The following AOPEP variants were observed in gnomAD, a reference collection of about 807,000 sequenced individuals.
The protein encoded by AOPEP is aminopeptidase O (putative).
AOPEP carries 77 observed loss-of-function variants against 98.1 expected under a neutral mutation model. The ratio of observed to expected loss-of-function variants is 0.78; its 90% CI spans 0.65 to 0.95. The LOEUF is 0.95. Among genes scored for constraint, AOPEP ranks in the 40% least tolerant of loss-of-function variants. The probability of loss-of-function intolerance (pLI) is 0.00; values close to 1 mark genes in which losing one functional copy is unlikely to be tolerated. For missense variants in AOPEP, 1,024 were observed against 1,024.7 expected (o/e 1.00, Z 0.01); for synonymous variants, 346 against 365.3 (o/e 0.95, Z 0.60).
chr9:94,921,519 A>G (rs2053619409), intron 5 of AOPEP, among the ~76,000 whole-genome samples: 1 of 152,268 alleles, frequency 6.6e-6, no homozygotes, highest in African/African-American at 2.4e-5. Context: ...TCTACTTAAC[A>G]TGAGACGTTC....
intron 5 of AOPEP, among the ~76,000 whole-genome samples, chr9:94,834,050 T>C (rs2041245676): frequency 6.6e-6 from 1 of 152,184 alleles, no homozygotes. Flanking sequence ...GAGATCTGAT[T>C]ACCAGCTTAC....
intron 4 of AOPEP, among the ~76,000 whole-genome samples, chr9:94,793,409 G>A (rs1407026228): frequency 6.6e-6 from 1 of 151,876 alleles, no homozygotes; most frequent in Non-Finnish European, 1.5e-5. Flanking sequence ...GCTGGGCGTG[G>A]TGGCTCAGGC....
At chr9:95,037,243 G>T (rs2064911385) in intron 13 of AOPEP, among the ~76,000 whole-genome samples, 1 of 151,948 alleles carries the variant, frequency 6.6e-6, no homozygotes, top group African/African-American at 2.4e-5. Context: ...TTTAAAGGGG[G>T]GTGGTTTTCC....
chr9:95,050,303 C>A (rs143607809), intron 13 of AOPEP, among the ~76,000 whole-genome samples: 1 of 152,194 alleles, frequency 6.6e-6, no homozygotes, highest in African/African-American at 2.4e-5. Context: ...CCCTTGTTCT[C>A]CTGAAATTAA....
intron 13 of AOPEP, among the ~76,000 whole-genome samples, chr9:95,059,866 C>G (rs2067171984): frequency 6.6e-6 from 1 of 152,190 alleles, no homozygotes; most frequent in Non-Finnish European, 1.5e-5. Flanking sequence ...CAAATTGATT[C>G]TTCCTCCAGT....
chr9:94,903,940 TG>T (rs1364758428), intron 5 of AOPEP, among the ~76,000 whole-genome samples: 1 of 146,534 alleles, frequency 6.8e-6, no homozygotes, highest in Admixed American at 6.8e-5. Flanking sequence ...AAAGTTACAG[TG>T]AGCTATGATT....
intron 13 of AOPEP, among the ~76,000 whole-genome samples, chr9:95,013,472 A>G (rs1384074042): frequency 6.7e-5 from 10 of 149,670 alleles, no homozygotes; most frequent in Non-Finnish European, 1.0e-4. Context: ...TATTTTCAAT[A>G]TAATCTCCTC....
chr9:94,821,182 G>A (rs1588392567), intron 5 of AOPEP, among the ~76,000 whole-genome samples: 1 of 152,112 alleles, frequency 6.6e-6, no homozygotes, highest in African/African-American at 2.4e-5. Flanking sequence ...GGGCTTTTGG[G>A]TTTATTTATT....
chr9:94,731,470 C>T (rs1830522923), intron 1 of AOPEP, among the ~76,000 whole-genome samples: 1 of 152,186 alleles, frequency 6.6e-6, no homozygotes, highest in African/African-American at 2.4e-5. Flanking sequence ...CCGTGATCCG[C>T]CTGCCTCAGC....
At chr9:94,775,091 T>C (rs900792956) in intron 3 of AOPEP, among the ~76,000 whole-genome samples, 2 of 152,168 alleles carry the variant, frequency 1.3e-5, no homozygotes, top group African/African-American at 4.8e-5. Context: ...TTTTGGTATA[T>C]CTTTTAATTT....
At chr9:94,869,699 C>A (rs76543608) in intron 5 of AOPEP, among the ~76,000 whole-genome samples, 2,281 of 152,302 alleles carry the variant, frequency 0.015, 53 homozygotes, top group African/African-American at 0.052. Flanking sequence ...CCAGATACGG[C>A]TCGTGTTACC....
At chr9:95,087,569 TC>T (rs2070798076), downstream of AOPEP, among the ~76,000 whole-genome samples, 2 of 151,496 alleles carry the variant, frequency 1.3e-5, no homozygotes, top group Non-Finnish European at 1.5e-5. Flanking sequence ...CTCACTAGTT[TC>T]TTTGTTGTTT....
chr9:95,082,913 C>T, intron 16 of AOPEP, 194 bp downstream of exon 16: 1 of 588,620 alleles, frequency 1.7e-6, no homozygotes, highest in Non-Finnish European at 2.9e-6. Context: ...CCCTGGAGCA[C>T]CTTGCCTGGC....
At chr9:94,822,206 C>A (rs1355794885) in intron 5 of AOPEP, among the ~76,000 whole-genome samples, 1 of 152,170 alleles carries the variant, frequency 6.6e-6, no homozygotes, top group Non-Finnish European at 1.5e-5. Context: ...ACACTCTAGC[C>A]CCTTTGCAGG....
At chr9:94,769,420 GA>G (rs1160003718) in intron 2 of AOPEP, among the ~76,000 whole-genome samples, 6 of 152,166 alleles carry the variant, frequency 3.9e-5, no homozygotes, top group Non-Finnish European at 8.8e-5. Context: ...CTGATGAAGA[GA>G]AAAAGGCCAA....
At chr9:94,929,154 G>C (rs2054867693) in intron 7 of AOPEP, among the ~76,000 whole-genome samples, 1 of 152,126 alleles carries the variant, frequency 6.6e-6, no homozygotes, top group African/African-American at 2.4e-5. Context: ...CTAGGCTCCG[G>C]GAGCACTGTG....
intron 5 of AOPEP, among the ~76,000 whole-genome samples, chr9:94,847,978 C>T (rs2043060774): frequency 6.6e-6 from 1 of 152,150 alleles, no homozygotes; most frequent in South Asian, 2.1e-4. Flanking sequence ...GGACATATCA[C>T]TTAGGCTTTA....
chr9:94,881,700 C>A lies in AOPEP; in HGVS notation c.1365-42286C>A, dbSNP rs569539987. Among the ~76,000 whole-genome samples, 8 of 152,252 alleles carry A rather than the reference C, an allele frequency of 5.3e-5. No individual in the cohort carries two copies. The East Asian group carries it at 1.3e-3, about 26-fold the overall frequency. ...CAGTTCCTGCAGGAAATATTCCTTG[C>A]TGTTATTTTGAGCCCCAAATGCTTC... On this transcript the variant is annotated intron_variant, in intron 5 of 16. Transcript: ENST00000375315.
At chr9:94,749,843 C>T (rs553447748) in intron 1 of AOPEP, among the ~76,000 whole-genome samples, 2 of 152,288 alleles carry the variant, frequency 1.3e-5, no homozygotes, top group South Asian at 4.1e-4. Context: ...ATATTTGGGT[C>T]CATTCAAGTT....
Sources: allele counts gnomAD v4.1 joint callset (sites outside exome capture counted in the v4.1 genomes callset), GRCh38; gene constraint gnomAD v4.1.1; transcripts MANE v1.5; gene names NCBI Gene and HGNC (gene_info 2026-07-23, HGNC 2026-07-21).